XDH: variants seen among roughly 807,000 people sequenced by gnomAD.
The protein encoded by XDH is xanthine dehydrogenase, also known as xanthine dehydrogenase/oxidase.
XDH carries 138 observed loss-of-function variants against 156.1 expected under a neutral mutation model. That is an observed-to-expected ratio of 0.88 (90% confidence interval 0.77 to 1.02). The LOEUF (loss-of-function observed/expected upper bound fraction) is 1.02, where lower values mean the gene tolerates loss of function less well. Among genes scored for constraint, XDH ranks in the 50% least tolerant of loss-of-function variants. XDH has a pLI of 0.00. For missense variants in XDH, 1,849 were observed against 1,684.9 expected (o/e 1.10, Z -1.71); for synonymous variants, 669 against 625.7 (o/e 1.07, Z -1.03).
At chr2:31,367,338 T>C (rs556311564) in intron 20 of XDH, among the ~76,000 whole-genome samples, 6 of 152,328 alleles carry the variant, frequency 3.9e-5, no homozygotes, top group African/African-American at 1.2e-4. Flanking sequence ...ATAGATGTGA[T>C]TGAAACACTG....
rs45623131 is a variant in XDH, at chr2:31,382,635, T to G, written c.1038+366A>C. On this transcript the variant is annotated intron_variant, in intron 11 of 35. Transcript: ENST00000379416. ...TCTCAATTCTGACTTCTCCCTAGCA[T>G]ATCCATATCTCTTGTTCACCTACTG... 4.6e-3 allele frequency among the ~76,000 whole-genome samples: 702 copies of G among 152,284 alleles called. 5 individuals are homozygous for G. The highest frequency in any genetic ancestry group is 0.016 in the African/African-American group (654 of 41,558).
intron 30 of XDH, among the ~76,000 whole-genome samples, chr2:31,346,407 A>G (rs1685292948): frequency 6.6e-6 from 1 of 152,296 alleles, no homozygotes; most frequent in East Asian, 1.9e-4. Flanking sequence ...AACCAGGCTC[A>G]TCTGGGACAA....
intron 24 of XDH, among the ~76,000 whole-genome samples, chr2:31,363,228 C>T (rs1304877744): frequency 6.6e-6 from 1 of 152,204 alleles, no homozygotes; most frequent in Non-Finnish European, 1.5e-5. Context: ...AGGAGAATCG[C>T]TTGAAGCTGG....
At chr2:31,337,995 G>A (rs1448125635) in intron 34 of XDH, among the ~76,000 whole-genome samples, 178 bp from the exon 35 acceptor site, 1 of 152,118 alleles carries the variant, frequency 6.6e-6, no homozygotes, top group African/African-American at 2.4e-5. Context: ...AATGATCAGG[G>A]GCTAAGAACA....
At chr2:31,371,477 C>T (rs1363433087) in intron 17 of XDH, among the ~76,000 whole-genome samples, 2 of 152,168 alleles carry the variant, frequency 1.3e-5, no homozygotes, top group African/African-American at 4.8e-5. Flanking sequence ...GTGTGTGCAG[C>T]CCAGGAAGGC....
chr2:31,357,043 A>T (rs1685643884), intron 24 of XDH, among the ~76,000 whole-genome samples: 1 of 152,210 alleles, frequency 6.6e-6, no homozygotes, highest in African/African-American at 2.4e-5. Context: ...CAAAAATACA[A>T]GAAAAAAATG....
chr2:31,347,775 C>T (rs1685341998), intron 28 of XDH, 125 bp from the exon 29 acceptor site: 1 of 1,295,520 alleles, frequency 7.7e-7, no homozygotes, highest in South Asian at 1.5e-5. Context: ...ACTCTAATCT[C>T]ATTGTCTGGG....
At position 31,334,695 on chromosome 2, in the gene XDH, G is replaced by T. The variant is rs576084760; in HGVS notation, c.*1263C>A. On this transcript the variant is annotated 3_prime_UTR_variant, in exon 36 of 36. Coordinates refer to ENST00000379416, the MANE Select transcript of XDH (RefSeq NM_000379.4). ...TTTATAGGCTTTTAAAGCAGAAGACGTGAGACAACCCTTTACTGCAACCCT... is the reference window on the plus strand; with the variant it reads ...TTTATAGGCTTTTAAAGCAGAAGACTTGAGACAACCCTTTACTGCAACCCT... The T allele has an allele frequency of 6.6e-6, 1 of 152,042 alleles. No individual in the cohort carries two copies. Among genetic ancestry groups the T allele is most frequent in the African/African-American group, 2.4e-5 (1 of 41,386 alleles). The allele number at this position is 152,042 out of a possible 1,614,324, so 9.4% of individuals were successfully genotyped here. A position where few individuals can be genotyped will look rare whatever the true frequency, so the allele number is the denominator to read the frequency against.
At chr2:31,399,397 G>A (rs2148004716) in intron 4 of XDH, among the ~76,000 whole-genome samples, 1 of 152,232 alleles carries the variant, frequency 6.6e-6, no homozygotes. Context: ...AGCAAGTGTG[G>A]GGAGAGAAGG....
intron 24 of XDH, among the ~76,000 whole-genome samples, chr2:31,351,019 C>T (rs983922764): frequency 2.6e-5 from 4 of 152,148 alleles, no homozygotes; most frequent in Non-Finnish European, 4.4e-5. Flanking sequence ...AATGTGGCTA[C>T]ATTGCTATGT....
intron 24 of XDH, among the ~76,000 whole-genome samples, chr2:31,352,652 G>A (rs535134274): frequency 2.6e-5 from 4 of 152,152 alleles, no homozygotes; most frequent in Non-Finnish European, 4.4e-5. Context: ...AAATCTTGTA[G>A]GATGTCTAGG....
chr2:31,390,553 A>G (rs1318407634), intron 6 of XDH, among the ~76,000 whole-genome samples: 1 of 152,238 alleles, frequency 6.6e-6, no homozygotes, highest in African/African-American at 2.4e-5. Flanking sequence ...GAGGTGCATG[A>G]TAAGACATGT....
intron 3 of XDH, 33 bp from the exon 4 acceptor site, chr2:31,401,361 T>C (rs1394249283): frequency 6.2e-7 from 1 of 1,609,972 alleles, no homozygotes; most frequent in African/African-American, 1.3e-5. Flanking sequence ...TTCCATTTAT[T>C]GTCCACTCAG....
At chr2:31,401,086 G>T (rs967518789) in intron 4 of XDH, 134 bp downstream of exon 4, 2 of 994,846 alleles carry the variant, frequency 2.0e-6, no homozygotes, top group Admixed American at 2.0e-5. Flanking sequence ...GAGGTGGCCA[G>T]GGTGAAATGC....
intron 31 of XDH, among the ~76,000 whole-genome samples, chr2:31,343,314 A>ATATATATATATGCATGTT (rs1685183175): frequency 7.7e-6 from 1 of 129,786 alleles, no homozygotes; most frequent in Non-Finnish European, 1.7e-5. Context: ...ATATATATAT[A>ATATATATATATGCATGTT]TATATATATA....
intron 24 of XDH, among the ~76,000 whole-genome samples, chr2:31,350,694 C>T (rs374760257): frequency 1.2e-4 from 19 of 152,284 alleles, no homozygotes; most frequent in Middle Eastern, 3.4e-3. Context: ...GCACCTTATC[C>T]ACCCACTAGT....
At chr2:31,355,007 A>G (rs56166245) in intron 24 of XDH, among the ~76,000 whole-genome samples, 4,227 of 152,302 alleles carry the variant, frequency 0.028, 92 homozygotes, top group Middle Eastern at 0.041. Context: ...TCTGAAAACT[A>G]AAGACAAAGG....
chr2:31,378,496 A>G (rs1335920788), intron 13 of XDH, among the ~76,000 whole-genome samples: 3 of 152,094 alleles, frequency 2.0e-5, no homozygotes, highest in Admixed American at 1.3e-4. Context: ...GAGGCCCCCA[A>G]ATGGCCACCC....
intron 24 of XDH, among the ~76,000 whole-genome samples, chr2:31,357,544 G>T (rs1362441717): frequency 6.6e-6 from 1 of 152,072 alleles, no homozygotes; most frequent in Non-Finnish European, 1.5e-5. Context: ...TTTACCAGAG[G>T]CTGGGGAGGG....
Sources: gnomAD v4.1 joint callset for allele counts (sites outside exome capture counted in the v4.1 genomes callset) on GRCh38, gnomAD v4.1.1 for gene constraint, MANE v1.5 for transcripts, NCBI Gene and HGNC (gene_info 2026-07-23, HGNC 2026-07-21) for gene names.